MTUS2: variants seen among roughly 807,000 people sequenced by gnomAD.
MTUS2 encodes microtubule associated scaffold protein 2.
In MTUS2, 40 loss-of-function variants were observed where a neutral mutation model predicts 114.1. The observed-to-expected ratio is 0.35, with a 90% CI of 0.27 to 0.46. The LOEUF (loss-of-function observed/expected upper bound fraction) is 0.46, where lower values mean the gene tolerates loss of function less well. Among genes scored for constraint, MTUS2 ranks in the 20% least tolerant of loss-of-function variants. MTUS2 has a pLI of 1.00. For missense variants in MTUS2, 1,679 were observed against 1,705.4 expected (o/e 0.98, Z 0.27); for synonymous variants, 688 against 672.0 (o/e 1.02, Z -0.37).
intron 2 of MTUS2, among the ~76,000 whole-genome samples, chr13:28,904,479 C>T (rs1303199593): frequency 1.3e-5 from 2 of 152,158 alleles, no homozygotes; most frequent in Non-Finnish European, 2.9e-5. Flanking sequence ...TATGGCTAGC[C>T]AGTTTTCCCA....
chr13:28,956,733 G>C (rs768035802), intron 2 of MTUS2, among the ~76,000 whole-genome samples: 9 of 152,168 alleles, frequency 5.9e-5, no homozygotes, highest in Non-Finnish European at 1.3e-4. Flanking sequence ...GTCCTGGGGA[G>C]GTTGTATGGA....
chr13:29,364,054 A>G (rs776578445), intron 8 of MTUS2, among the ~76,000 whole-genome samples: 15 of 152,184 alleles, frequency 9.9e-5, no homozygotes, highest in Non-Finnish European at 1.6e-4. Context: ...TTTTTCCACT[A>G]TATTATGATG....
intron 4 of MTUS2, among the ~76,000 whole-genome samples, chr13:29,060,177 T>G (rs1280898355): frequency 6.6e-6 from 1 of 152,206 alleles, no homozygotes; most frequent in Non-Finnish European, 1.5e-5. Context: ...TGGCCTCTAT[T>G]GGGGCTACGG....
chr13:28,886,837 C>T (rs945818120), intron 2 of MTUS2, among the ~76,000 whole-genome samples: 3 of 152,246 alleles, frequency 2.0e-5, no homozygotes, highest in Non-Finnish European at 4.4e-5. Context: ...TGCTTCAGCA[C>T]TTCAGATGCA....
intron 5 of MTUS2, among the ~76,000 whole-genome samples, chr13:29,141,457 A>T (rs987445998): frequency 1.3e-5 from 2 of 152,208 alleles, no homozygotes; most frequent in African/African-American, 4.8e-5. Context: ...AGAGGTGCAG[A>T]TAATTCAGTT....
At chr13:29,137,187 C>T (rs1892014962) in intron 5 of MTUS2, among the ~76,000 whole-genome samples, 1 of 152,178 alleles carries the variant, frequency 6.6e-6, no homozygotes, top group South Asian at 2.1e-4. Context: ...CCACTGCCTT[C>T]TGGCCTCCAA....
chr13:29,491,818 A>AGG (rs1275364785), intron 11 of MTUS2, among the ~76,000 whole-genome samples: 4 of 68,902 alleles, frequency 5.8e-5, no homozygotes, highest in Non-Finnish European at 1.4e-4. Flanking sequence ...TGTGTGGGGT[A>AGG]GGTGTGTGTG....
At chr13:29,199,040 T>G (rs1894824578) in intron 5 of MTUS2, among the ~76,000 whole-genome samples, 1 of 152,198 alleles carries the variant, frequency 6.6e-6, no homozygotes, top group Non-Finnish European at 1.5e-5. Flanking sequence ...CTCTTCCTGT[T>G]CAGATATCCT....
At chr13:29,395,104 C>T (rs1287256842) in intron 8 of MTUS2, among the ~76,000 whole-genome samples, 1 of 152,074 alleles carries the variant, frequency 6.6e-6, no homozygotes, top group Non-Finnish European at 1.5e-5. Context: ...TCTTTCAGGG[C>T]CTGCTATCTG....
intron 8 of MTUS2, among the ~76,000 whole-genome samples, chr13:29,373,403 T>C (rs1162563844): frequency 2.6e-5 from 4 of 152,196 alleles, no homozygotes; most frequent in African/African-American, 9.6e-5. Flanking sequence ...CCCAGCTTTT[T>C]GGCTCGAGGA....
chr13:29,312,612 T>G, intron 6 of MTUS2, among the ~76,000 whole-genome samples: 1 of 152,240 alleles, frequency 6.6e-6, no homozygotes, highest in East Asian at 1.9e-4. Flanking sequence ...AGATCATTTC[T>G]TTTATTTGGC....
intron 8 of MTUS2, among the ~76,000 whole-genome samples, chr13:29,392,126 T>TCA (rs1334695743): frequency 1.2e-4 from 1 of 8,368 alleles, no homozygotes; most frequent in Non-Finnish European, 3.9e-4. Flanking sequence ...AGACTCTGTC[T>TCA]CAAAAAAAAA....
At chr13:29,208,477 T>A (rs1425899185) in intron 5 of MTUS2, among the ~76,000 whole-genome samples, 2 of 152,038 alleles carry the variant, frequency 1.3e-5, no homozygotes, top group Non-Finnish European at 2.9e-5. Flanking sequence ...GCATTTGTGT[T>A]TGGTTTTTTT....
At chr13:29,340,119 C>T (rs1901315255) in intron 7 of MTUS2, among the ~76,000 whole-genome samples, 2 of 152,338 alleles carry the variant, frequency 1.3e-5, no homozygotes, top group South Asian at 2.1e-4. Context: ...ACGGGCCAGG[C>T]CGGTGCCTCG....
chr13:29,297,200 C>G (rs1344247026), intron 6 of MTUS2, among the ~76,000 whole-genome samples: 1 of 152,090 alleles, frequency 6.6e-6, no homozygotes, highest in Admixed American at 6.6e-5. Flanking sequence ...AAGAGACTTG[C>G]ATTTTACCTA....
intron 4 of MTUS2, among the ~76,000 whole-genome samples, chr13:29,098,788 G>A (rs901271502): frequency 5.9e-5 from 9 of 152,186 alleles, no homozygotes; most frequent in African/African-American, 2.2e-4. Context: ...CTTACTGCAT[G>A]CCTAGGTACT....
intron 2 of MTUS2, among the ~76,000 whole-genome samples, chr13:28,985,438 T>C (rs1884535795): frequency 6.6e-6 from 1 of 152,212 alleles, no homozygotes; most frequent in South Asian, 2.1e-4. Context: ...TTTGGTATAT[T>C]GTTATAATAA....
At chr13:28,997,323 A>T (rs1327078361) in intron 2 of MTUS2, among the ~76,000 whole-genome samples, 2 of 151,942 alleles carry the variant, frequency 1.3e-5, no homozygotes, top group Admixed American at 6.6e-5. Context: ...AACTATGTGG[A>T]CAATTTTGGG....
intron 2 of MTUS2, among the ~76,000 whole-genome samples, chr13:29,017,042 G>A (rs1886095226): frequency 6.6e-6 from 1 of 152,150 alleles, no homozygotes. Flanking sequence ...AATTATAACT[G>A]CAGAAAACAT....
Sources: allele counts gnomAD v4.1 joint callset (sites outside exome capture counted in the v4.1 genomes callset), GRCh38; gene constraint gnomAD v4.1.1; transcripts MANE v1.5; gene names NCBI Gene and HGNC (gene_info 2026-07-23, HGNC 2026-07-21).